Variants in WWOX observed in about 807,000 individuals in gnomAD.
WWOX encodes the protein WW domain containing oxidoreductase.
WWOX carries 69 observed loss-of-function variants against 46.2 expected under a neutral mutation model. That is an observed-to-expected ratio of 1.49 (90% CI 1.23 to 1.82). The LOEUF (loss-of-function observed/expected upper bound fraction) is 1.82, where lower values mean the gene tolerates loss of function less well. Among genes scored for constraint, WWOX ranks in the 40% most tolerant of loss-of-function variants. The pLI is 0.00. For missense variants in WWOX, 919 were observed against 542.6 expected (o/e 1.69, Z -6.89); for synonymous variants, 359 against 202.6 (o/e 1.77, Z -6.56).
At chr16:78,272,914 A>G (rs889699291) in intron 5 of WWOX, among the ~76,000 whole-genome samples, 3 of 152,166 alleles carry the variant, frequency 2.0e-5, no homozygotes, top group Admixed American at 6.5e-5. Flanking sequence ...AACAGCAGCT[A>G]TGTTGAAGGT....
At chr16:79,075,522 C>T (rs1319852261) in intron 8 of WWOX, among the ~76,000 whole-genome samples, 1 of 150,418 alleles carries the variant, frequency 6.6e-6, no homozygotes, top group African/African-American at 2.4e-5. Flanking sequence ...TAATAACAAC[C>T]TCTGGCGATT....
chr16:78,930,053 C>T (rs970933045), intron 8 of WWOX, among the ~76,000 whole-genome samples: 1 of 152,012 alleles, frequency 6.6e-6, no homozygotes. Flanking sequence ...TTGGGCGTGT[C>T]CTTAGGGGAA....
At chr16:79,181,000 A>G (rs1311336463) in intron 8 of WWOX, among the ~76,000 whole-genome samples, 2 of 152,202 alleles carry the variant, frequency 1.3e-5, no homozygotes, top group South Asian at 2.1e-4. Flanking sequence ...TTTTTAGCGT[A>G]TTAGATTTTT....
intron 8 of WWOX, among the ~76,000 whole-genome samples, chr16:78,990,838 C>G (rs868352399): frequency 2.6e-5 from 4 of 152,296 alleles, no homozygotes; most frequent in Non-Finnish European, 4.4e-5. Flanking sequence ...CTGAATTTGT[C>G]TCTGTGTTCA....
rs184111434 is a variant in WWOX at position 79,044,889 on chromosome 16, C to A, written c.1057-166719C>A. Among the ~76,000 whole-genome samples, 39 of 152,272 alleles carry A rather than the reference C, an allele frequency of 2.6e-4. No individual in the cohort carries two copies. In the East Asian group the frequency reaches 6.2e-3, roughly 24 times the overall value. The stretch of plus-strand genomic sequence containing the variant: ...GCCTCATTGAGTCCCCCATCCTCCC[C>A]TGTGTAGAATGAGGCTAATGCTAGT... On this transcript the variant is annotated intron_variant, in intron 8 of 8. Transcript: ENST00000566780.
chr16:79,079,352 A>AGAAAAATGGGTCGACCCAAG (rs2048718466), intron 8 of WWOX, among the ~76,000 whole-genome samples: 2 of 150,726 alleles, frequency 1.3e-5, no homozygotes, highest in African/African-American at 4.9e-5. Context: ...CCCCCCGACA[A>AGAAAAATGGGTCGACCCAAG]AAAAAAATAT....
intron 8 of WWOX, among the ~76,000 whole-genome samples, chr16:78,454,843 T>C (rs986285886): frequency 6.6e-6 from 1 of 152,172 alleles, no homozygotes; most frequent in African/African-American, 2.4e-5. Context: ...TGACCCAGTT[T>C]CAATACCAAC....
At chr16:79,209,563 G>A (rs1005531154) in intron 8 of WWOX, among the ~76,000 whole-genome samples, 5 of 152,278 alleles carry the variant, frequency 3.3e-5, no homozygotes, top group African/African-American at 4.8e-5. Context: ...CCCACCACTC[G>A]GGAGTTAATG....
At chr16:78,856,164 A>C (rs1259726189) in intron 8 of WWOX, among the ~76,000 whole-genome samples, 1 of 152,164 alleles carries the variant, frequency 6.6e-6, no homozygotes, top group Non-Finnish European at 1.5e-5. Context: ...GGTCCCTAGA[A>C]ATAATTTTTT....
intron 8 of WWOX, among the ~76,000 whole-genome samples, chr16:78,662,923 A>G (rs2047250634): frequency 1.3e-5 from 2 of 152,176 alleles, no homozygotes; most frequent in Admixed American, 6.5e-5. Flanking sequence ...GAGTGCAAGA[A>G]TTGGTGAGAG....
At chr16:78,857,959 T>C (rs573924043) in intron 8 of WWOX, among the ~76,000 whole-genome samples, 35 of 152,326 alleles carry the variant, frequency 2.3e-4, no homozygotes, top group African/African-American at 8.4e-4. Flanking sequence ...GAAGAATGAA[T>C]GCTTTTTTAG....
At chr16:78,129,182 T>C (rs1402560421) in intron 4 of WWOX, among the ~76,000 whole-genome samples, 1 of 152,206 alleles carries the variant, frequency 6.6e-6, no homozygotes, top group Non-Finnish European at 1.5e-5. Flanking sequence ...GTTTCTTTTT[T>C]ATTTCCTGCT....
At chr16:78,144,694 T>C (rs1273447590) in intron 4 of WWOX, among the ~76,000 whole-genome samples, 1 of 150,430 alleles carries the variant, frequency 6.6e-6, no homozygotes, top group Non-Finnish European at 1.5e-5. Flanking sequence ...CTGATTTTTG[T>C]ATTTTTAGTA....
At position 78,289,824 on chromosome 16, in the gene WWOX, C is replaced by T. The variant is rs142643386; in HGVS notation, c.517-97036C>T. On this transcript the variant is annotated intron_variant, in intron 5 of 8. Coordinates refer to ENST00000566780, the MANE Select transcript of WWOX (RefSeq NM_016373.4). ...TAATATGGGCTGTAGAGAGAAACGC[C>T]GTTTGCTTGATAGGTGTTTTTGTAA... Among the ~76,000 whole-genome samples the T allele has an allele frequency of 4.1e-4, 62 of 152,110 alleles. 1 individual carries two copies. The East Asian group carries it at 0.011, about 28-fold the overall frequency.
chr16:78,823,429 A>G (rs1239158798), intron 8 of WWOX, among the ~76,000 whole-genome samples: 1 of 152,202 alleles, frequency 6.6e-6, no homozygotes, highest in Non-Finnish European at 1.5e-5. Flanking sequence ...AGAAAAATGT[A>G]AGGGAAGTCA....
At chr16:78,517,643 G>A (rs537815257) in intron 8 of WWOX, among the ~76,000 whole-genome samples, 2 of 152,000 alleles carry the variant, frequency 1.3e-5, no homozygotes, top group Non-Finnish European at 2.9e-5. Context: ...AGTCCTCAGC[G>A]CTCCCCGCAA....
chr16:79,045,144 C>T (rs547451685), intron 8 of WWOX, among the ~76,000 whole-genome samples: 16 of 152,296 alleles, frequency 1.1e-4, no homozygotes, highest in Admixed American at 5.9e-4. Context: ...TAAATTCTAT[C>T]GCATTAACCT....
At chr16:78,610,606 G>C (rs1050528055) in intron 8 of WWOX, among the ~76,000 whole-genome samples, 1 of 152,042 alleles carries the variant, frequency 6.6e-6, no homozygotes, top group Non-Finnish European at 1.5e-5. Context: ...CTCTGTGTGA[G>C]TTCTGAAAGT....
At chr16:78,652,941 A>G (rs902486500) in intron 8 of WWOX, among the ~76,000 whole-genome samples, 1 of 152,172 alleles carries the variant, frequency 6.6e-6, no homozygotes, top group African/African-American at 2.4e-5. Flanking sequence ...AACTTTTGTT[A>G]TTTGATTATG....
Sources: allele counts gnomAD v4.1 joint callset (sites outside exome capture counted in the v4.1 genomes callset), GRCh38; gene constraint gnomAD v4.1.1; transcripts MANE v1.5; gene names NCBI Gene and HGNC (gene_info 2026-07-23, HGNC 2026-07-21).